GRK5: variants seen among roughly 807,000 people sequenced by gnomAD.
The protein encoded by GRK5 is G protein-coupled receptor kinase 5, also known as g protein-coupled receptor kinase GRK5.
A neutral mutation model predicts 78.4 loss-of-function variants in GRK5; 40 were observed. The ratio of observed to expected loss-of-function variants is 0.51; its 90% CI spans 0.40 to 0.66. The LOEUF is 0.66. Ranked by LOEUF, GRK5 falls within the 30% of genes least tolerant of loss-of-function variation. The probability of loss-of-function intolerance (pLI) is 0.00; values close to 1 mark genes in which losing one functional copy is unlikely to be tolerated. For synonymous variants in GRK5, 289 were observed against 296.8 expected (o/e 0.97, Z 0.27); for missense variants, 598 against 759.9 (o/e 0.79, Z 2.50).
intron 1 of GRK5, among the ~76,000 whole-genome samples, chr10:119,262,043 A>G (rs1022964287): frequency 6.7e-4 from 102 of 152,306 alleles, no homozygotes; most frequent in Middle Eastern, 3.4e-3. Flanking sequence ...TGAAGCTTTA[A>G]TACATTTACA....
At chr10:119,444,304 C>A (rs1232291402) in intron 12 of GRK5, among the ~76,000 whole-genome samples, 3 of 152,086 alleles carry the variant, frequency 2.0e-5, no homozygotes, top group Non-Finnish European at 4.4e-5. Context: ...ATAGTGAGGT[C>A]AGACCCACCC....
intron 12 of GRK5, among the ~76,000 whole-genome samples, chr10:119,446,753 T>C (rs1160146621): frequency 6.6e-6 from 1 of 152,188 alleles, no homozygotes; most frequent in Non-Finnish European, 1.5e-5. Flanking sequence ...TGGAACCTGG[T>C]GCTGGCCCTG....
chr10:119,444,361 A>G (rs1045737390), intron 12 of GRK5, among the ~76,000 whole-genome samples: 8 of 152,104 alleles, frequency 5.3e-5, no homozygotes, highest in Non-Finnish European at 1.0e-4. Context: ...AAGCCAGATA[A>G]GGAGTGACAG....
At chr10:119,285,082 A>G (rs1238303371) in intron 1 of GRK5, among the ~76,000 whole-genome samples, 1 of 152,168 alleles carries the variant, frequency 6.6e-6, no homozygotes, top group Non-Finnish European at 1.5e-5. Flanking sequence ...GGTTCTGAGG[A>G]TGCAAAGAGA....
intron 1 of GRK5, among the ~76,000 whole-genome samples, chr10:119,255,179 GGGA>G (rs1849261519): frequency 6.6e-6 from 1 of 152,166 alleles, no homozygotes; most frequent in Non-Finnish European, 1.5e-5. Flanking sequence ...CTTCCCTGAT[GGGA>G]GGAGAGAGAG....
chr10:119,256,037 G>A (rs567412644), intron 1 of GRK5, among the ~76,000 whole-genome samples: 1 of 152,242 alleles, frequency 6.6e-6, no homozygotes, highest in East Asian at 1.9e-4. Context: ...CAACCATTGT[G>A]TAAAATAGTT....
At chr10:119,317,186 C>G (rs1284780477) in intron 1 of GRK5, among the ~76,000 whole-genome samples, 1 of 152,094 alleles carries the variant, frequency 6.6e-6, no homozygotes, top group Non-Finnish European at 1.5e-5. Flanking sequence ...GGAGTGTGGC[C>G]CATGGGAAAA....
At chr10:119,414,826 A>T (rs945211900) in intron 4 of GRK5, among the ~76,000 whole-genome samples, 1 of 152,184 alleles carries the variant, frequency 6.6e-6, no homozygotes, top group Admixed American at 6.5e-5. Flanking sequence ...GCATACCTGT[A>T]ATCCCAGCAC....
chr10:119,260,129 A>T (rs7096679), intron 1 of GRK5, among the ~76,000 whole-genome samples: 186 of 152,126 alleles, frequency 1.2e-3, no homozygotes, highest in African/African-American at 4.3e-3. Context: ...CCTCCCAAGT[A>T]GCTGGGACTA....
In GRK5 at chr10:119,271,510, AAG is replaced by A. The variant is rs1849582306; in HGVS notation, c.53-55003_53-55002del. 6.6e-6 allele frequency among the ~76,000 whole-genome samples: 1 copy of A among 152,184 alleles called. No homozygotes were observed. The highest frequency in any genetic ancestry group is 2.1e-4 in the South Asian group (1 of 4,832). On this transcript the variant is annotated intron_variant, in intron 1 of 15. Transcript: ENST00000392870. The surrounding 1 kb of genome is among the most constrained non-coding windows in gnomAD (Gnocchi z 4.1). ...CATATACAGATCTGCACACTTGACA[AAG>A]AGGAATTTGGAGCCCTGGACGGGGT...
intron 2 of GRK5, among the ~76,000 whole-genome samples, chr10:119,347,848 C>T (rs187426583): frequency 1.3e-5 from 2 of 152,216 alleles, no homozygotes. Flanking sequence ...GGGGCAGGGA[C>T]AGCTTGGTAG....
rs776931573 is a variant in GRK5 at position 119,455,208 on chromosome 10, C to T, written c.*141C>T. 1.1e-5 allele frequency: 8 copies of T among 740,998 alleles called. No homozygotes were observed. Among genetic ancestry groups the T allele is most frequent in the South Asian group, 7.3e-5 (5 of 68,890 alleles). The allele number at this position is 740,998 out of a possible 1,614,324, so 45.9% of individuals were successfully genotyped here. A position where few individuals can be genotyped will look rare whatever the true frequency, so the allele number is the denominator to read the frequency against. On this transcript the variant is annotated 3_prime_UTR_variant, in exon 16 of 16. Transcript: ENST00000392870. Reference sequence around the variant, plus strand: ...GGAAGGAGGCCGTCCATCCCGTCGACGTAGAACCTCGAGGTTTCTCAAAGA... The same window carrying T: ...GGAAGGAGGCCGTCCATCCCGTCGATGTAGAACCTCGAGGTTTCTCAAAGA...
At chr10:119,381,713 G>A (rs1364644638) in intron 3 of GRK5, among the ~76,000 whole-genome samples, 1 of 152,166 alleles carries the variant, frequency 6.6e-6, no homozygotes, top group Non-Finnish European at 1.5e-5. Flanking sequence ...GAAGAGGAGT[G>A]GAGAGCGGTC....
rs1220181114 is a variant in GRK5 at position 119,394,508 on chromosome 10, CGTGTGTGTGG to C, written c.262-2170_262-2161del. Among the ~76,000 whole-genome samples the C allele has an allele frequency of 5.2e-4, 19 of 36,668 alleles. 1 individual carries two copies. Among genetic ancestry groups the C allele is most frequent in the Admixed American group, 8.0e-4 (3 of 3,752 alleles). 24.1% of individuals were successfully genotyped at this position (36,668 alleles called of 152,430 possible). ...GTGTGTATCTGCGTGTCTGTGGGCA[CGTGTGTGTGG>C]GTGTGTGTGGGTGTGTATCTGTGTG... On this transcript the variant is annotated intron_variant, in intron 3 of 15. Transcript: ENST00000392870.
chr10:119,347,722 C>T (rs571145199), intron 2 of GRK5, among the ~76,000 whole-genome samples: 23 of 152,376 alleles, frequency 1.5e-4, no homozygotes, highest in South Asian at 4.1e-4. Flanking sequence ...TCCCGGCCCC[C>T]GCACATCGTG....
chr10:119,362,627 T>C (rs1851384647), intron 2 of GRK5, among the ~76,000 whole-genome samples: 1 of 152,230 alleles, frequency 6.6e-6, no homozygotes, highest in South Asian at 2.1e-4. Flanking sequence ...GCATTTCAGG[T>C]CACCACCTTG....
At chr10:119,396,083 C>T (rs17095980) in intron 3 of GRK5, among the ~76,000 whole-genome samples, 4,848 of 152,302 alleles carry the variant, frequency 0.032, 186 homozygotes, top group East Asian at 0.17. Context: ...ATCACAATGG[C>T]GGTAACTATA....
intron 1 of GRK5, among the ~76,000 whole-genome samples, chr10:119,242,868 A>G (rs564012825): frequency 6.6e-6 from 1 of 150,502 alleles, no homozygotes; most frequent in East Asian, 2.0e-4. Context: ...GCCCCCAGCC[A>G]TGCTGAACTG....
chr10:119,249,646 C>T (rs749975665), intron 1 of GRK5, among the ~76,000 whole-genome samples: 60 of 152,132 alleles, frequency 3.9e-4, no homozygotes, highest in Non-Finnish European at 8.2e-4. Context: ...TACAGGTGCG[C>T]TCCACCATGC....
Sources: allele counts gnomAD v4.1 joint callset (sites outside exome capture counted in the v4.1 genomes callset), GRCh38; gene constraint gnomAD v4.1.1; non-coding constraint Gnocchi (gnomAD v3.1); transcripts MANE v1.5; gene names NCBI Gene and HGNC (gene_info 2026-07-23, HGNC 2026-07-21).